DNAAF9: variants seen among roughly 807,000 people sequenced by gnomAD.
The protein encoded by DNAAF9 is shulin.
Under a neutral mutation model 167.0 loss-of-function variants are expected in DNAAF9, and 90 were observed. That is an observed-to-expected ratio of 0.54 (90% CI 0.45 to 0.64). DNAAF9 has a LOEUF of 0.64. Among genes scored for constraint, DNAAF9 ranks in the 30% least tolerant of loss-of-function variants. The probability of loss-of-function intolerance (pLI) is 0.00; values close to 1 mark genes in which losing one functional copy is unlikely to be tolerated. For synonymous variants in DNAAF9, 491 were observed against 508.8 expected (o/e 0.96, Z 0.47); for missense variants, 1,315 against 1,442.2 (o/e 0.91, Z 1.43).
At chr20:3,376,631 C>G (rs1272955867) in intron 3 of DNAAF9, among the ~76,000 whole-genome samples, 1 of 152,224 alleles carries the variant, frequency 6.6e-6, no homozygotes, top group African/African-American at 2.4e-5. Flanking sequence ...CAGACATCAA[C>G]CAACACATGT....
In DNAAF9 at chr20:3,395,745, T is replaced by C. The variant is rs140852472; in HGVS notation, c.83+11730A>G. Among the ~76,000 whole-genome samples the C allele has an allele frequency of 2.8e-3, 420 of 152,308 alleles. 1 individual carries two copies. The highest frequency in any genetic ancestry group is 9.5e-3 in the African/African-American group (395 of 41,562). The stretch of plus-strand genomic sequence containing the variant: ...TTCCTTCCTCTCATTTTATATACCC[T>C]TGTGTCAAGTTTTATATTTTTATTT... On this transcript the variant is annotated intron_variant, in intron 1 of 36. Transcript: ENST00000252032.
rs192696076 is a variant in DNAAF9 at position 3,309,933 on chromosome 20, G to A, written c.1678+5100C>T. Among the ~76,000 whole-genome samples, 473 of 152,064 alleles carry A rather than the reference G, an allele frequency of 3.1e-3. 4 individuals are homozygous for A. The highest frequency in any genetic ancestry group is 0.011 in the African/African-American group (438 of 41,472). On this transcript the variant is annotated intron_variant, in intron 20 of 36. Transcript: ENST00000252032. ...TTCCTGGCTGGGCGCAGTGGCTCAC[G>A]TGTAATCCCAGAACTTTGGGAGGCT...
Position 3,326,200 on chromosome 20 carries a change from T to C in DNAAF9, c.1185A>G (p.Thr395=). 1 of 1,591,290 alleles carries C rather than the reference T, an allele frequency of 6.3e-7. No individual in the cohort carries two copies. The highest frequency in any genetic ancestry group is 8.6e-7 in the Non-Finnish European group (1 of 1,159,274). ...GGAAACATGGTATTTAAATTACCTT[T>C]GTTAGACTGGAAGTTTTAGCATAAC... ...IACYAKTSSL[T]KAKEVAEQTL... Residue 395 remains threonine, a synonymous_variant, in exon 13 of 37, where the codon ACA becomes ACG. Coordinates refer to ENST00000252032, the MANE Select transcript of DNAAF9 (RefSeq NM_001009984.3).
Position 3,324,921 on chromosome 20 carries a change from A to C in DNAAF9, c.1236T>G (p.Phe412Leu). 3 of 1,607,904 alleles carry C rather than the reference A, an allele frequency of 1.9e-6. No individual in the cohort carries two copies. Among genetic ancestry groups the C allele is most frequent in the Non-Finnish European group, 2.6e-6 (3 of 1,174,284 alleles). ...GGGCTGCCTTAAACGGAATCAACTC[A>C]AAGGAATCTAACCCAGATCCCAGAG... ...EQTLGSGLDS[F>L]ELIPFKAALR... is the part of the protein sequence containing the mutation. Residue 412 changes from phenylalanine (F) to leucine (L), a missense_variant, in exon 14 of 37, where the codon TTT becomes TTG. Coordinates refer to ENST00000252032, the MANE Select transcript of DNAAF9 (RefSeq NM_001009984.3).
intron 34 of DNAAF9, 53 bp from the exon 35 acceptor site, chr20:3,255,337 T>A: frequency 8.5e-7 from 1 of 1,173,136 alleles, no homozygotes; most frequent in Non-Finnish European, 1.2e-6. Context: ...ATGGAGTGCA[T>A]GGGCAGGGGA....
intron 6 of DNAAF9, among the ~76,000 whole-genome samples, chr20:3,367,678 T>A (rs903697388): frequency 2.6e-5 from 4 of 152,094 alleles, no homozygotes; most frequent in Admixed American, 6.5e-5. Flanking sequence ...CACACATCAT[T>A]TAAGTTCATC....
intron 27 of DNAAF9, among the ~76,000 whole-genome samples, chr20:3,285,848 C>A (rs191837362): frequency 7.1e-6 from 1 of 141,202 alleles, no homozygotes; most frequent in East Asian, 2.1e-4. Context: ...GGTGTGGTGG[C>A]GTGTGCCTGC....
intron 8 of DNAAF9, among the ~76,000 whole-genome samples, chr20:3,346,120 T>C (rs1334616034): frequency 6.6e-6 from 1 of 152,234 alleles, no homozygotes; most frequent in Non-Finnish European, 1.5e-5. Flanking sequence ...GATATACTAT[T>C]TTTCATCTGT....
At chr20:3,309,740 A>G (rs2069367770) in intron 20 of DNAAF9, among the ~76,000 whole-genome samples, 1 of 152,250 alleles carries the variant, frequency 6.6e-6, no homozygotes, top group Admixed American at 6.5e-5. Flanking sequence ...GATCTAAAAT[A>G]TATGAATCAC....
At chr20:3,280,136 C>T (rs777615294) in intron 28 of DNAAF9, among the ~76,000 whole-genome samples, 26 of 152,118 alleles carry the variant, frequency 1.7e-4, no homozygotes, top group Admixed American at 5.9e-4. Context: ...AACCCATGTG[C>T]TATAAGCAGG....
intron 8 of DNAAF9, among the ~76,000 whole-genome samples, chr20:3,344,451 G>T (rs1401156531): frequency 2.6e-5 from 4 of 151,966 alleles, no homozygotes; most frequent in African/African-American, 9.7e-5. Flanking sequence ...CAACATTTTG[G>T]TAAATTTTCT....
intron 31 of DNAAF9, among the ~76,000 whole-genome samples, chr20:3,264,002 T>C (rs946544461): frequency 2.6e-5 from 4 of 152,204 alleles, no homozygotes; most frequent in African/African-American, 9.7e-5. Flanking sequence ...CCACAGGCTG[T>C]GCAGCATCCT....
At chr20:3,389,629 A>T (rs2083798338) in intron 1 of DNAAF9, among the ~76,000 whole-genome samples, 1 of 152,068 alleles carries the variant, frequency 6.6e-6, no homozygotes, top group African/African-American at 2.4e-5. Context: ...AATAGTTTTT[A>T]AAAAGTCAGC....
intron 6 of DNAAF9, among the ~76,000 whole-genome samples, chr20:3,370,644 A>G (rs978191301): frequency 2.0e-5 from 3 of 151,938 alleles, no homozygotes; most frequent in African/African-American, 7.3e-5. Context: ...TCTTGACCTC[A>G]TGATCCACCC....
intron 30 of DNAAF9, 50 bp downstream of exon 30, chr20:3,270,377 T>C (rs745872548): frequency 6.5e-7 from 1 of 1,535,424 alleles, no homozygotes; most frequent in Non-Finnish European, 9.0e-7. Flanking sequence ...ACAGACAGAG[T>C]GCTGTATCTG....
At position 3,350,156 on chromosome 20, in the gene DNAAF9, G is replaced by GACACAC. The variant is rs35251429; in HGVS notation, c.691-1539_691-1534dup. On this transcript the variant is annotated intron_variant, in intron 7 of 36. Coordinates refer to ENST00000252032, the MANE Select transcript of DNAAF9 (RefSeq NM_001009984.3). Reference sequence around the variant, plus strand: ...AGACACACAGACACACAGACACACAGACACACACACACACACACACACACA... The same window carrying GACACAC: ...AGACACACAGACACACAGACACACAGACACACACACACACACACACACACACACACA... Among the ~76,000 whole-genome samples, 45 of 89,944 alleles carry GACACAC rather than the reference G, an allele frequency of 5.0e-4. 1 individual carries two copies. The highest frequency in any genetic ancestry group is 2.4e-3 in the East Asian group (9 of 3,698). The allele number at this position is 89,944 out of a possible 152,430, so 59.0% of individuals were successfully genotyped here. A position where few individuals can be genotyped will look rare whatever the true frequency, so the allele number is the denominator to read the frequency against.
chr20:3,252,412 C>A lies in DNAAF9; in HGVS notation c.*160G>T. On this transcript the variant is annotated 3_prime_UTR_variant, in exon 37 of 37. Coordinates refer to ENST00000252032, the MANE Select transcript of DNAAF9 (RefSeq NM_001009984.3). Reference sequence around the variant, plus strand: ...GCAGGTGATGCTCTTCAGCGCTATACAGGGAATAAAGACAACATGCACTCA... The same window carrying A: ...GCAGGTGATGCTCTTCAGCGCTATAAAGGGAATAAAGACAACATGCACTCA... The A allele has an allele frequency of 1.7e-6, 1 of 592,690 alleles. No individual in the cohort carries two copies. The highest frequency in any genetic ancestry group is 3.1e-6 in the Non-Finnish European group (1 of 327,854). 36.7% of individuals were successfully genotyped at this position (592,690 alleles called of 1,614,324 possible).
chr20:3,404,156 A>C (rs1023370729), intron 1 of DNAAF9, among the ~76,000 whole-genome samples: 40 of 152,234 alleles, frequency 2.6e-4, no homozygotes, highest in African/African-American at 8.2e-4. Flanking sequence ...CAGGCTCCCG[A>C]GTAGCTGGGA....
chr20:3,270,136 CTTTTTTTT>C (rs56942768), intron 30 of DNAAF9, among the ~76,000 whole-genome samples: 1 of 125,506 alleles, frequency 8.0e-6, no homozygotes, highest in Non-Finnish European at 1.6e-5. Flanking sequence ...GCCCAGCCTG[CTTTTTTTT>C]TTTTTTTTTT....
Sources: gnomAD v4.1 joint callset for allele counts (sites outside exome capture counted in the v4.1 genomes callset) on GRCh38, gnomAD v4.1.1 for gene constraint, MANE v1.5 for transcripts, NCBI Gene and HGNC (gene_info 2026-07-23, HGNC 2026-07-21) for gene names.